RADIL: variants seen among roughly 807,000 people sequenced by gnomAD.
RADIL encodes the protein ras-associating and dilute domain-containing protein.
A neutral mutation model predicts 97.6 loss-of-function variants in RADIL; 99 were observed. The ratio of observed to expected loss-of-function variants is 1.01; its 90% CI spans 0.86 to 1.20. The LOEUF is 1.20. Among genes scored for constraint, RADIL ranks in the 50% most tolerant of loss-of-function variants. The pLI, the probability that RADIL is intolerant of heterozygous loss-of-function variation, is 0.00. For missense variants in RADIL, 1,765 were observed against 1,498.9 expected (o/e 1.18, Z -2.93); for synonymous variants, 803 against 691.8 (o/e 1.16, Z -2.52).
chr7:4,815,687 G>A lies in RADIL; in HGVS notation c.1967-237C>T, dbSNP rs184690481. On this transcript the variant is annotated intron_variant, in intron 8 of 14. Coordinates refer to ENST00000399583, the MANE Select transcript of RADIL (RefSeq NM_018059.5). The surrounding 1 kb of genome is among the most constrained non-coding windows in gnomAD (Gnocchi z 8.0). Reference sequence around the variant, plus strand: ...CAGGGCAGGGTGGGCTGTGACTGCCGCTGACTCCACAGTGCAGCCCCTAGC... The same window carrying A: ...CAGGGCAGGGTGGGCTGTGACTGCCACTGACTCCACAGTGCAGCCCCTAGC... 6.6e-5 allele frequency among the ~76,000 whole-genome samples: 10 copies of A among 152,276 alleles called. No homozygotes were observed. Among genetic ancestry groups the A allele is most frequent in the African/African-American group, 1.4e-4 (6 of 41,554 alleles).
chr7:4,834,965 A>T lies in RADIL; in HGVS notation c.1058T>A (p.Leu353Gln). 3 of 1,609,196 alleles carry T rather than the reference A, an allele frequency of 1.9e-6. No homozygotes were observed. The highest frequency in any genetic ancestry group is 2.5e-6 in the Non-Finnish European group (3 of 1,178,352). ...DLLSLGLYYL[L>Q]LFKDPAQAQP... ...GGCCTGCGCGGGGTCCTTGAATAGCAGCAGGTAGTAGAGCCCCAGGGAGAG... is the reference window on the plus strand; with the variant it reads ...GGCCTGCGCGGGGTCCTTGAATAGCTGCAGGTAGTAGAGCCCCAGGGAGAG... Residue 353 changes from leucine to glutamine, a missense_variant, in exon 4 of 15, where the codon CTG (leucine) becomes CAG (glutamine). By Grantham distance (113) the Leu-to-Gln change is moderately radical. Transcript: ENST00000399583. The surrounding 1 kb of genome is among the most constrained non-coding windows in gnomAD (Gnocchi z 6.0).
chr7:4,798,138 T>C lies in RADIL; in HGVS notation c.*1240A>G, dbSNP rs1378129030. The C allele has an allele frequency of 6.6e-5, 8 of 121,390 alleles. No individual in the cohort carries two copies. The highest frequency in any genetic ancestry group is 3.4e-4 in the African/African-American group (6 of 17,468). The allele number at this position is 121,390 out of a possible 1,614,324, so 7.5% of individuals were successfully genotyped here. On this transcript the variant is annotated 3_prime_UTR_variant, in exon 15 of 15. Coordinates refer to ENST00000399583, the MANE Select transcript of RADIL (RefSeq NM_018059.5). The stretch of plus-strand genomic sequence containing the variant: ...ATATCTTAAATATATATACAAACAC[T>C]ATATATATATATATATTTTATCCAG...
At chr7:4,857,662 G>A (rs1783866624) in intron 2 of RADIL, 1 of 152,550 alleles carries the variant, frequency 6.6e-6, no homozygotes, top group Non-Finnish European at 1.5e-5. Flanking sequence ...CCCTCCTTCA[G>A]AACAATGTAA....
rs370309861 is a variant in RADIL at position 4,804,508 on chromosome 7, C to T, written c.2291-754G>A. ...CTACACATTATAATGCACCCCTGGC[C>T]GGGGGTGGCGGCTCACGCCTGTAAT... On this transcript the variant is annotated intron_variant, in intron 10 of 14. Coordinates refer to ENST00000399583, the MANE Select transcript of RADIL (RefSeq NM_018059.5). 5.9e-5 allele frequency among the ~76,000 whole-genome samples: 9 copies of T among 152,326 alleles called. No individual in the cohort carries two copies. The East Asian group carries it at 1.2e-3, about 20-fold the overall frequency.
rs756980205 is a variant in RADIL, at chr7:4,805,573, G to A, written c.2283C>T (p.Phe761=). 1 of 1,599,916 alleles carries A rather than the reference G, an allele frequency of 6.3e-7. No homozygotes were observed. Among genetic ancestry groups the A allele is most frequent in the South Asian group, 1.1e-5 (1 of 90,520 alleles). ...EPGAQDSPEA[F]RSEDVLESYE... ...CCCTGGGGCAGGGCTTACCTGACCT[G>A]AAGGCCTCGGGGCTGTCCTGGGCCC... Residue 761 remains phenylalanine (F), a synonymous_variant, in exon 10 of 15, where the codon TTC becomes TTT. Coordinates refer to ENST00000399583, the MANE Select transcript of RADIL (RefSeq NM_018059.5).
chr7:4,869,924 A>C (rs1471858534), intron 2 of RADIL, among the ~76,000 whole-genome samples: 1 of 152,210 alleles, frequency 6.6e-6, no homozygotes, highest in Non-Finnish European at 1.5e-5. Flanking sequence ...TGAACTCAGG[A>C]GTTCAAGACC....
At position 4,836,752 on chromosome 7, in the gene RADIL, A is replaced by C. The variant is rs894943534; in HGVS notation, c.536-147T>G. ...CAGGAGCTCGAGACCAGCCTGGCCA[A>C]CACAGTGAAACCCCATTTCTACTAA... is the stretch of plus-strand genomic sequence containing the variant. On this transcript the variant is annotated intron_variant, in intron 2 of 14. Transcript: ENST00000399583. 88 of 1,013,842 alleles carry C rather than the reference A, an allele frequency of 8.7e-5. No homozygotes were observed. The East Asian group carries it at 2.3e-3, about 27-fold the overall frequency. The allele number at this position is 1,013,842 out of a possible 1,614,324, so 62.8% of individuals were successfully genotyped here. A position where few individuals can be genotyped will look rare whatever the true frequency, so the allele number is the denominator to read the frequency against.
At chr7:4,843,207 G>T (rs1583300782) in intron 2 of RADIL, among the ~76,000 whole-genome samples, 1 of 151,708 alleles carries the variant, frequency 6.6e-6, no homozygotes, top group East Asian at 1.9e-4. Context: ...TAGAGATGGG[G>T]TTTCGCCATG....
rs1782716835 is a variant in RADIL at position 4,817,778 on chromosome 7, AATC to A, written c.1616-430_1616-428del. ...CCCCTGAGTGGCCGCCACTCTGTGG[AATC>A]ATAAGTCTTTTGGGAAGAAAAAGCC... On this transcript the variant is annotated intron_variant, in intron 6 of 14. Transcript: ENST00000399583. This position sits in a 1 kb window ranked among gnomAD's most constrained non-coding sequence, Gnocchi z 8.3. Among the ~76,000 whole-genome samples the A allele has an allele frequency of 1.3e-5, 2 of 152,136 alleles. No homozygotes were observed. The highest frequency in any genetic ancestry group is 6.5e-5 in the Admixed American group (1 of 15,276).
chr7:4,844,492 A>C (rs1783522689), intron 2 of RADIL, among the ~76,000 whole-genome samples: 1 of 152,246 alleles, frequency 6.6e-6, no homozygotes, highest in South Asian at 2.1e-4. Context: ...ATTATTTTGC[A>C]GACAATGTGA....
chr7:4,860,674 C>T (rs776458346), intron 2 of RADIL: 64 of 1,614,152 alleles, frequency 4.0e-5, no homozygotes, highest in Non-Finnish European at 5.3e-5. Context: ...ATGCACTTGC[C>T]AGAAGTACAA....
chr7:4,832,237 G>A (rs1245796258), intron 4 of RADIL, 59 bp from the exon 5 acceptor site: 29 of 1,508,242 alleles, frequency 1.9e-5, no homozygotes, highest in East Asian at 1.7e-4. Flanking sequence ...ACAGGGACGC[G>A]TTCAAATACA....
Position 4,837,829 on chromosome 7 carries a change from C to T in RADIL, c.536-1224G>A. 1.0e-6 allele frequency: 1 copy of T among 985,372 alleles called. No individual in the cohort carries two copies. The allele number at this position is 985,372 out of a possible 1,614,324, so 61.0% of individuals were successfully genotyped here. A position where few individuals can be genotyped will look rare whatever the true frequency, so the allele number is the denominator to read the frequency against. On this transcript the variant is annotated intron_variant, in intron 2 of 14. Transcript: ENST00000399583. The surrounding 1 kb of genome is among the most constrained non-coding windows in gnomAD (Gnocchi z 5.6). Reference sequence around the variant, plus strand: ...GCTGCGATAGATGAAAACCGCTCACCAGTCCCCAGCTGACCCGGCGCTGTC... The same window carrying T: ...GCTGCGATAGATGAAAACCGCTCACTAGTCCCCAGCTGACCCGGCGCTGTC...
intron 4 of RADIL, 106 bp from the exon 5 acceptor site, chr7:4,832,284 A>C (rs982063302): frequency 3.5e-6 from 4 of 1,130,000 alleles, no homozygotes; most frequent in Middle Eastern, 2.0e-4. Context: ...ATGCTGCCCC[A>C]GGCATCCTGT....
chr7:4,817,152 G>C lies in RADIL; in HGVS notation c.1728+87C>G. On this transcript the variant is annotated intron_variant, in intron 7 of 14. Coordinates refer to ENST00000399583, the MANE Select transcript of RADIL (RefSeq NM_018059.5). The surrounding 1 kb of genome is among the most constrained non-coding windows in gnomAD (Gnocchi z 8.3). ...GTCCCCTCCCTCAGCCCCCCAGAAG[G>C]CTCCTTAGGAGAGCCACAGGCACAA... is the stretch of plus-strand genomic sequence containing the variant. The C allele has an allele frequency of 8.4e-7, 1 of 1,192,782 alleles. No individual in the cohort carries two copies. The highest frequency in any genetic ancestry group is 1.2e-6 in the Non-Finnish European group (1 of 833,046). The allele number at this position is 1,192,782 out of a possible 1,614,324, so 73.9% of individuals were successfully genotyped here.
rs1448501142 is a variant in RADIL at position 4,883,104 on chromosome 7, G to C, written c.-65+492C>G. Among the ~76,000 whole-genome samples the C allele has an allele frequency of 6.6e-6, 1 of 150,594 alleles. No individual in the cohort carries two copies. Among genetic ancestry groups the C allele is most frequent in the Non-Finnish European group, 1.5e-5 (1 of 68,008 alleles). On this transcript the variant is annotated intron_variant, in intron 1 of 14. Coordinates refer to ENST00000399583, the MANE Select transcript of RADIL (RefSeq NM_018059.5). The surrounding 1 kb of genome is among the most constrained non-coding windows in gnomAD (Gnocchi z 7.1). Reference sequence around the variant, plus strand: ...CACGAGTGGGGATCGGGCTGCAACCGGGACGGGGTATGTGCAGGGGACGTC... The same window carrying C: ...CACGAGTGGGGATCGGGCTGCAACCCGGACGGGGTATGTGCAGGGGACGTC...
rs1159471549 is a variant in RADIL at position 4,803,464 on chromosome 7, C to T, written c.2499+82G>A. 2.7e-4 allele frequency: 335 copies of T among 1,260,198 alleles called. 10 individuals carry two copies. In the African/African-American group the frequency reaches 4.9e-3, roughly 18 times the overall value. The allele number at this position is 1,260,198 out of a possible 1,614,324, so 78.1% of individuals were successfully genotyped here. A position where few individuals can be genotyped will look rare whatever the true frequency, so the allele number is the denominator to read the frequency against. ...CACGCTGGCTGGGTGGCCCCCTCCC[C>T]GGGCACCTCGGGGCACGCTGGCTGG... On this transcript the variant is annotated intron_variant, in intron 11 of 14. Coordinates refer to ENST00000399583, the MANE Select transcript of RADIL (RefSeq NM_018059.5).
rs1023559230 is a variant in RADIL at position 4,826,339 on chromosome 7, C to T, written c.1455-3785G>A. 2.6e-5 allele frequency among the ~76,000 whole-genome samples: 4 copies of T among 151,666 alleles called. No individual in the cohort carries two copies. The East Asian group carries it at 7.7e-4, about 29-fold the overall frequency. ...AAAGCCCGGAAGTGAGGATGGGGGT[C>T]GAAGCATCCTAAGATCTAGTGTTCC... On this transcript the variant is annotated intron_variant, in intron 5 of 14. Transcript: ENST00000399583.
intron 5 of RADIL, among the ~76,000 whole-genome samples, chr7:4,826,882 T>C: frequency 6.6e-6 from 1 of 152,154 alleles, no homozygotes. Context: ...GACTTGCCCA[T>C]TAACAAAGAT....
Sources: allele counts gnomAD v4.1 joint callset (sites outside exome capture counted in the v4.1 genomes callset), GRCh38; gene constraint gnomAD v4.1.1; non-coding constraint Gnocchi (gnomAD v3.1); transcripts MANE v1.5; gene names NCBI Gene and HGNC (gene_info 2026-07-23, HGNC 2026-07-21).